TEP1: variants seen among roughly 807,000 people sequenced by gnomAD.
TEP1 encodes telomerase protein component 1.
Under a neutral mutation model 306.3 loss-of-function variants are expected in TEP1, and 241 were observed. The observed-to-expected ratio is 0.79, with a 90% CI of 0.71 to 0.88. The LOEUF (loss-of-function observed/expected upper bound fraction) is 0.88. Ranked by LOEUF, TEP1 falls within the 40% of genes least tolerant of loss-of-function variation. The pLI, the probability that TEP1 is intolerant of heterozygous loss-of-function variation, is 0.00. For missense variants in TEP1, 3,051 were observed against 3,276.1 expected (o/e 0.93, Z 1.68); for synonymous variants, 1,289 against 1,305.5 (o/e 0.99, Z 0.27).
chr14:20,387,186 G>C (rs892404348), intron 18 of TEP1, among the ~76,000 whole-genome samples: 2 of 149,164 alleles, frequency 1.3e-5, no homozygotes, highest in Non-Finnish European at 3.0e-5. Flanking sequence ...TGCCCGCCTC[G>C]ACCTCCCAAA....
rs1463073872 is a variant in TEP1, at chr14:20,383,214, AG to A, written c.4006del (p.Leu1336CysfsTer20). Reference sequence around the variant, plus strand: ...TGACTCCTCCAGCCGCTTCCCGTACAGGGCCAGCTCCTCTCTCACCAGCCGG... The same window carrying A: ...TGACTCCTCCAGCCGCTTCCCGTACAGGCCAGCTCCTCTCTCACCAGCCGG... ...RARLVREELA[L>X]YGKRLEESPF... On this transcript the variant is annotated frameshift_variant, in exon 27 of 55. Coordinates refer to ENST00000262715, the MANE Select transcript of TEP1 (RefSeq NM_007110.5). LOFTEE classifies it high-confidence loss of function. 1.2e-6 allele frequency: 2 copies of A among 1,612,810 alleles called. No individual in the cohort carries two copies. The highest frequency in any genetic ancestry group is 1.7e-6 in the Non-Finnish European group (2 of 1,179,566).
At position 20,380,313 on chromosome 14, in the gene TEP1, G is replaced by A. The variant is rs757657951; in HGVS notation, c.4925C>T (p.Ser1642Leu). 27 of 1,614,034 alleles carry A rather than the reference G, an allele frequency of 1.7e-5. No individual in the cohort carries two copies. The highest frequency in any genetic ancestry group is 1.3e-4 in the Admixed American group (8 of 60,002). Residue 1642 changes from serine (S) to leucine (L), a missense_variant, in exon 34 of 55, where the codon TCG becomes TTG. Coordinates refer to ENST00000262715, the MANE Select transcript of TEP1 (RefSeq NM_007110.5). ...GAGGTGCCATCTCCGGGAGAGCAGC[G>A]AGGCTTGGTGGCAAAGAGGTGAGTC... is the stretch of plus-strand genomic sequence containing the variant. ...PLDSPLCHQA[S>L]LLSRRWHLQH...
chr14:20,367,772 C>G lies in TEP1; in HGVS notation c.*665G>C, dbSNP rs930191976. On this transcript the variant is annotated 3_prime_UTR_variant, in exon 55 of 55. Transcript: ENST00000262715. ...TACAGGTGCCCGCCGCCACACCTGGCTAACTTTTTGTATTTTTTAGTAGAG... is the reference window on the plus strand; with the variant it reads ...TACAGGTGCCCGCCGCCACACCTGGGTAACTTTTTGTATTTTTTAGTAGAG... 3 of 152,248 alleles carry G rather than the reference C, an allele frequency of 2.0e-5. No homozygotes were observed. The highest frequency in any genetic ancestry group is 4.4e-5 in the Non-Finnish European group (3 of 68,188). 9.4% of individuals were successfully genotyped at this position (152,248 alleles called of 1,614,324 possible).
intron 1 of TEP1, among the ~76,000 whole-genome samples, chr14:20,409,368 C>G (rs1879450538): frequency 6.6e-6 from 1 of 152,206 alleles, no homozygotes; most frequent in African/African-American, 2.4e-5. Flanking sequence ...CTTTTACATA[C>G]TTTCCTGGAG....
Position 20,383,558 on chromosome 14 carries a change from T to C in TEP1, c.3797A>G (p.Asp1266Gly). 2 of 1,614,118 alleles carry C rather than the reference T, an allele frequency of 1.2e-6. No homozygotes were observed. The highest frequency in any genetic ancestry group is 1.7e-6 in the Non-Finnish European group (2 of 1,180,012). ...CTGGTCCACTAACCTATCAGCCCCA[T>C]CGATGATCAGGACCTGGGTCTGGCC... ...HPGQTQVLII[D>G]GADRLVDQNG... The change falls in exon 26 of 55, where the codon GAT becomes GGT. Residue 1266 changes from aspartate (D) to glycine (G), a missense_variant. By Grantham distance (94) the Asp-to-Gly change is moderately conservative (BLOSUM62 -1). Coordinates refer to ENST00000262715, the MANE Select transcript of TEP1 (RefSeq NM_007110.5).
intron 10 of TEP1, 109 bp downstream of exon 10, chr14:20,396,512 C>T (rs1224592873): frequency 3.7e-6 from 3 of 813,534 alleles, no homozygotes; most frequent in South Asian, 3.8e-5. Context: ...AGCTTGAGGG[C>T]CGTACCTGCC....
At chr14:20,377,107 C>T (rs1397607104) in intron 41 of TEP1, among the ~76,000 whole-genome samples, 173 bp downstream of exon 41, 3 of 151,726 alleles carry the variant, frequency 2.0e-5, no homozygotes, top group Admixed American at 6.6e-5. Context: ...CCCAGCTACT[C>T]GGGAGGCCGA....
chr14:20,387,770 C>T (rs1015587042), intron 18 of TEP1, 135 bp downstream of exon 18: 14 of 1,097,530 alleles, frequency 1.3e-5, no homozygotes, highest in African/African-American at 9.6e-5. Flanking sequence ...GAGAAACCTC[C>T]GCCTGAGAAA....
intron 2 of TEP1, among the ~76,000 whole-genome samples, 181 bp downstream of exon 2, chr14:20,407,692 C>A (rs1879289049): frequency 6.6e-6 from 1 of 152,110 alleles, no homozygotes; most frequent in Non-Finnish European, 1.5e-5. Flanking sequence ...TGTAGATATG[C>A]AATAAAAGTA....
In TEP1 at chr14:20,390,729, C is replaced by T; in HGVS notation, c.2286G>A (p.Leu762=). ...QEFDENDGWS[L]NTFGKYLLSL... ...ACAGCAGGTATTTCCCAAAAGTATT[C>T]AGGGACCATCCATCATTTTCATCAA... Residue 762 remains leucine, a synonymous_variant, in exon 15 of 55, where the codon CTG becomes CTA. Coordinates refer to ENST00000262715, the MANE Select transcript of TEP1 (RefSeq NM_007110.5). The T allele has an allele frequency of 6.2e-7, 1 of 1,614,200 alleles. No individual in the cohort carries two copies. Among genetic ancestry groups the T allele is most frequent in the Non-Finnish European group, 8.5e-7 (1 of 1,180,044 alleles).
chr14:20,377,709 C>T lies in TEP1; in HGVS notation c.5766G>A (p.Leu1922=). 6.2e-7 allele frequency: 1 copy of T among 1,614,070 alleles called. No individual in the cohort carries two copies. Among genetic ancestry groups the T allele is most frequent in the Non-Finnish European group, 8.5e-7 (1 of 1,180,010 alleles). ...GGGCAGGAGAGAGAGAAAGGGAACCCAGGTGCCCACGGGGCCGACCCAGAG... is the reference window on the plus strand; with the variant it reads ...GGGCAGGAGAGAGAGAAAGGGAACCTAGGTGCCCACGGGGCCGACCCAGAG... ...SGSLGRPRGH[L]GSLSLSPALS... Residue 1922 remains leucine, a synonymous_variant, in exon 40 of 55, where the codon CTG becomes CTA. Coordinates refer to ENST00000262715, the MANE Select transcript of TEP1 (RefSeq NM_007110.5).
In TEP1 at chr14:20,383,638, C is replaced by T; in HGVS notation, c.3717G>A (p.Leu1239=). The change falls in exon 26 of 55, where the codon CTG becomes CTA. Residue 1239 remains leucine (L), a synonymous_variant. Transcript: ENST00000262715. ...GCAGCCTCTGCTGCAGCTCCCACACCAGGCTTCTGTACATGGAGAGGAAGT... is the reference window on the plus strand; with the variant it reads ...GCAGCCTCTGCTGCAGCTCCCACACTAGGCTTCTGTACATGGAGAGGAAGT... ...PGALPSTYRS[L]VWELQQRLLP... is the part of the protein sequence containing the mutation. 1 of 1,613,336 alleles carries T rather than the reference C, an allele frequency of 6.2e-7. No homozygotes were observed. The highest frequency in any genetic ancestry group is 8.5e-7 in the Non-Finnish European group (1 of 1,179,786).
At position 20,395,587 on chromosome 14, in the gene TEP1, T is replaced by C; in HGVS notation, c.1791A>G (p.Ile597Met). 6.2e-7 allele frequency: 1 copy of C among 1,611,952 alleles called. No individual in the cohort carries two copies. The highest frequency in any genetic ancestry group is 8.5e-7 in the Non-Finnish European group (1 of 1,178,156). Residue 597 changes from isoleucine to methionine, a missense_variant, in exon 12 of 55, where the codon ATA (isoleucine) becomes ATG (methionine). This residue lies in a region of TEP1 where 1,507 missense variants were observed against 1,550.5 expected (regional missense o/e 0.97). Transcript: ENST00000262715. ...GACGGTTCTTTTCATTTCTAGTTAG[T>C]ATCCGCCTCATCAGTGTTATATTCG... ...FPSNITLMRRILTRNEKNRPR... is the reference protein window; with the variant it reads ...FPSNITLMRRMLTRNEKNRPR...
chr14:20,374,600 T>A (rs1885063231), intron 43 of TEP1, 64 bp from the exon 44 acceptor site: 5 of 1,242,990 alleles, frequency 4.0e-6, no homozygotes, highest in Non-Finnish European at 5.7e-6. Flanking sequence ...GGTATATCTG[T>A]AGTGTAGGGT....
At chr14:20,370,792 C>T in intron 51 of TEP1, among the ~76,000 whole-genome samples, 1 of 152,178 alleles carries the variant, frequency 6.6e-6, no homozygotes, top group East Asian at 1.9e-4. Flanking sequence ...TAACAAGCGG[C>T]TCCCAGGAAA....
In TEP1 at chr14:20,388,665, G is replaced by A. The variant is rs539628620; in HGVS notation, c.2525+573C>T. On this transcript the variant is annotated intron_variant, in intron 17 of 54. Transcript: ENST00000262715. The stretch of plus-strand genomic sequence containing the variant: ...CATGTCCCCTTTCTTCTTTCCTACT[G>A]GATATAATACAAACTTGGCTGAATA... Among the ~76,000 whole-genome samples, 5 of 152,288 alleles carry A rather than the reference G, an allele frequency of 3.3e-5. No individual in the cohort carries two copies. In the East Asian group the frequency reaches 7.7e-4, roughly 23 times the overall value.
chr14:20,386,397 C>G, intron 19 of TEP1, 50 bp downstream of exon 19: 2 of 1,576,878 alleles, frequency 1.3e-6, no homozygotes, highest in Non-Finnish European at 1.7e-6. Flanking sequence ...AGGTCCACCA[C>G]TCAAGCCCCT....
intron 2 of TEP1, among the ~76,000 whole-genome samples, chr14:20,407,460 C>T (rs1879267234): frequency 6.6e-6 from 1 of 152,202 alleles, no homozygotes; most frequent in South Asian, 2.1e-4. Flanking sequence ...CGTGCCTCAG[C>T]CTCCCAAATA....
intron 27 of TEP1, 150 bp from the exon 28 acceptor site, chr14:20,382,865 TC>T: frequency 2.6e-6 from 2 of 770,562 alleles, no homozygotes; most frequent in Non-Finnish European, 4.3e-6. Context: ...ACACAAACCA[TC>T]CCTCTCCTAC....
Sources: allele counts gnomAD v4.1 joint callset (sites outside exome capture counted in the v4.1 genomes callset), GRCh38; gene constraint gnomAD v4.1.1; regional missense constraint gnomAD v4.1.1; transcripts MANE v1.5; gene names NCBI Gene and HGNC (gene_info 2026-07-23, HGNC 2026-07-21).